The following EML5 variants were observed in gnomAD, a reference collection of about 807,000 sequenced individuals.
EML5 encodes EMAP like 5, also known as echinoderm microtubule-associated protein-like 5.
A neutral mutation model predicts 250.0 loss-of-function variants in EML5; 120 were observed. That is an observed-to-expected ratio of 0.48 (90% CI 0.41 to 0.56). EML5 has a LOEUF of 0.56. Among genes scored for constraint, EML5 ranks in the 20% least tolerant of loss-of-function variants. The pLI is 0.00. For synonymous variants in EML5, 771 were observed against 806.5 expected (o/e 0.96, Z 0.75); for missense variants, 2,006 against 2,437.6 (o/e 0.82, Z 3.73).
At chr14:88,735,932 T>G (rs1362887542) in intron 7 of EML5, among the ~76,000 whole-genome samples, 1 of 152,080 alleles carries the variant, frequency 6.6e-6, no homozygotes, top group Non-Finnish European at 1.5e-5. Context: ...ATTCTATTAA[T>G]TTTCAGTATT....
At chr14:88,618,967 TTGTC>T in intron 39 of EML5, 155 bp from the exon 40 acceptor site, 4 of 572,700 alleles carry the variant, frequency 7.0e-6, no homozygotes, top group Non-Finnish European at 8.4e-6. Flanking sequence ...TATACTGAGA[TTGTC>T]TGGGTTACAT....
intron 1 of EML5, among the ~76,000 whole-genome samples, chr14:88,762,279 G>A (rs570007503): frequency 1.6e-4 from 24 of 152,278 alleles, no homozygotes; most frequent in South Asian, 6.2e-4. Flanking sequence ...GGGAGGCCGA[G>A]GCAGGTGGAT....
intron 8 of EML5, among the ~76,000 whole-genome samples, chr14:88,722,360 C>T (rs1442617122): frequency 1.3e-5 from 2 of 152,052 alleles, no homozygotes; most frequent in Admixed American, 6.6e-5. Context: ...ACATGGAATC[C>T]ACCCAAATGC....
At chr14:88,640,861 T>G (rs527766609) in intron 31 of EML5, among the ~76,000 whole-genome samples, 1 of 151,828 alleles carries the variant, frequency 6.6e-6, no homozygotes, top group South Asian at 2.1e-4. Flanking sequence ...CAATAAAAAA[T>G]GACAAAGATC....
intron 14 of EML5, among the ~76,000 whole-genome samples, chr14:88,700,417 A>T (rs1420387508): frequency 6.6e-6 from 1 of 152,130 alleles, no homozygotes; most frequent in Non-Finnish European, 1.5e-5. Flanking sequence ...AATGGGTGGG[A>T]TCCAAGGAAT....
intron 31 of EML5, among the ~76,000 whole-genome samples, chr14:88,639,679 C>T (rs1367735459): frequency 1.3e-5 from 2 of 152,068 alleles, no homozygotes; most frequent in African/African-American, 4.8e-5. Flanking sequence ...CTGGTTCAAG[C>T]AATTCTCATG....
intron 17 of EML5, among the ~76,000 whole-genome samples, chr14:88,691,779 T>C (rs537882127): frequency 6.6e-6 from 1 of 152,300 alleles, no homozygotes; most frequent in Admixed American, 6.5e-5. Flanking sequence ...ATTTCCCAAG[T>C]GGTTAATGAA....
chr14:88,682,819 G>A (rs771565559), intron 20 of EML5, among the ~76,000 whole-genome samples: 5 of 152,132 alleles, frequency 3.3e-5, no homozygotes, highest in Non-Finnish European at 7.4e-5. Context: ...GGGGTCCTGG[G>A]GTAACCCAGG....
chr14:88,714,774 C>T (rs1442696696), intron 9 of EML5, among the ~76,000 whole-genome samples, 165 bp downstream of exon 9: 1 of 151,980 alleles, frequency 6.6e-6, no homozygotes, highest in African/African-American at 2.4e-5. Context: ...TTGTAGAATA[C>T]AATAATATAT....
chr14:88,705,940 T>C, intron 11 of EML5: 1 of 537,964 alleles, frequency 1.9e-6, no homozygotes, highest in Non-Finnish European at 3.4e-6. Flanking sequence ...TAGATAATTT[T>C]TGTCAATAAA....
At chr14:88,768,296 G>C (rs1286536476) in intron 1 of EML5, among the ~76,000 whole-genome samples, 1 of 152,170 alleles carries the variant, frequency 6.6e-6, no homozygotes, top group Non-Finnish European at 1.5e-5. Flanking sequence ...TGCTAGGGGA[G>C]ATACTGTGAG....
rs535006355 is a variant in EML5, at chr14:88,792,650, T to A, written c.-147A>T. ...CCGCGCCCGTCAGGTGCATCTCGTTTCGGGGGCCGCCGCCGCCTCAGCCCA... is the reference window on the plus strand; with the variant it reads ...CCGCGCCCGTCAGGTGCATCTCGTTACGGGGGCCGCCGCCGCCTCAGCCCA... On this transcript the variant is annotated 5_prime_UTR_variant, in exon 1 of 44. Transcript: ENST00000554922. This position sits in a 1 kb window ranked among gnomAD's most constrained non-coding sequence, Gnocchi z 6.9. 1.1e-4 allele frequency: 125 copies of A among 1,128,450 alleles called. No homozygotes were observed. In the African/African-American group the frequency reaches 1.9e-3, roughly 17 times the overall value. 69.9% of individuals were successfully genotyped at this position (1,128,450 alleles called of 1,614,324 possible).
intron 3 of EML5, 91 bp from the exon 4 acceptor site, chr14:88,744,182 T>A (rs1419097451): frequency 1.4e-6 from 1 of 713,182 alleles, no homozygotes; most frequent in Non-Finnish European, 2.2e-6. Flanking sequence ...AAACTCCTAA[T>A]CATAAAATAA....
intron 14 of EML5, among the ~76,000 whole-genome samples, chr14:88,700,334 T>G (rs1253343365): frequency 6.6e-6 from 1 of 152,182 alleles, no homozygotes; most frequent in African/African-American, 2.4e-5. Flanking sequence ...GAAAAGTGCT[T>G]CTTACAAAAG....
At chr14:88,755,730 T>C (rs1595787869) in intron 1 of EML5, among the ~76,000 whole-genome samples, 1 of 152,108 alleles carries the variant, frequency 6.6e-6, no homozygotes, top group South Asian at 2.1e-4. Flanking sequence ...TAGCGGCTCA[T>C]GCCTATAATA....
intron 16 of EML5, 58 bp from the exon 17 acceptor site, chr14:88,694,465 C>A: frequency 8.4e-7 from 1 of 1,190,188 alleles, no homozygotes; most frequent in South Asian, 1.4e-5. Flanking sequence ...GTATTAATCT[C>A]TTGCCTAATC....
At chr14:88,716,937 C>A (rs1288073337) in intron 8 of EML5, among the ~76,000 whole-genome samples, 2 of 152,178 alleles carry the variant, frequency 1.3e-5, no homozygotes, top group East Asian at 3.9e-4. Flanking sequence ...TTAAAACATT[C>A]TGAATTAAGT....
chr14:88,615,131 G>A lies in EML5; in HGVS notation c.*687C>T, dbSNP rs2087388980. On this transcript the variant is annotated 3_prime_UTR_variant, in exon 44 of 44. Transcript: ENST00000554922. ...ATGTGCGATTACAGAGATGGCATCTGAACATAAACTGATGGCTCGAAAATG... is the reference window on the plus strand; with the variant it reads ...ATGTGCGATTACAGAGATGGCATCTAAACATAAACTGATGGCTCGAAAATG... 2.6e-5 allele frequency: 4 copies of A among 152,158 alleles called. No individual in the cohort carries two copies. Among genetic ancestry groups the A allele is most frequent in the South Asian group, 4.2e-4 (2 of 4,816 alleles). 9.4% of individuals were successfully genotyped at this position (152,158 alleles called of 1,614,324 possible). A position where few individuals can be genotyped will look rare whatever the true frequency, so the allele number is the denominator to read the frequency against.
intron 32 of EML5, among the ~76,000 whole-genome samples, chr14:88,637,118 A>G (rs2090782154): frequency 6.6e-6 from 1 of 152,206 alleles, no homozygotes; most frequent in South Asian, 2.1e-4. Context: ...CAAAGTAACA[A>G]AACAATTCTC....
Sources: gnomAD v4.1 joint callset for allele counts (sites outside exome capture counted in the v4.1 genomes callset) on GRCh38, gnomAD v4.1.1 for gene constraint, Gnocchi (gnomAD v3.1) non-coding constraint, MANE v1.5 for transcripts, NCBI Gene and HGNC (gene_info 2026-07-23, HGNC 2026-07-21) for gene names.